The following MLLT3 variants were observed in gnomAD, a reference collection of about 807,000 sequenced individuals.
The protein encoded by MLLT3 is protein AF-9.
MLLT3 carries 4 observed loss-of-function variants against 53.2 expected under a neutral mutation model. That is an observed-to-expected ratio of 0.08 (90% CI 0.04 to 0.17). The LOEUF (loss-of-function observed/expected upper bound fraction) is 0.17, where lower values mean the gene tolerates loss of function less well. Among genes scored for constraint, MLLT3 ranks in the 10% least tolerant of loss-of-function variants. The pLI is 1.00. For synonymous variants in MLLT3, 283 were observed against 230.6 expected (o/e 1.23, Z -2.06); for missense variants, 569 against 684.0 (o/e 0.83, Z 1.87).
intron 2 of MLLT3, among the ~76,000 whole-genome samples, chr9:20,565,988 T>TATATATTTTTA (rs1563820690): frequency 2.9e-5 from 2 of 69,442 alleles, no homozygotes; most frequent in African/African-American, 1.1e-4. Context: ...ATATATTTAT[T>TATATATTTTTA]TATATATTTA....
intron 2 of MLLT3, among the ~76,000 whole-genome samples, chr9:20,615,764 G>A (rs1292879087): frequency 6.6e-6 from 1 of 151,218 alleles, no homozygotes; most frequent in African/African-American, 2.4e-5. Flanking sequence ...ATTCTCTCGT[G>A]AGTGTGTAGC....
At chr9:20,478,009 G>A (rs1824568061) in intron 2 of MLLT3, among the ~76,000 whole-genome samples, 1 of 152,196 alleles carries the variant, frequency 6.6e-6, no homozygotes, top group African/African-American at 2.4e-5. Flanking sequence ...AAAGTAAAAA[G>A]TACAATAATT....
intron 2 of MLLT3, among the ~76,000 whole-genome samples, chr9:20,513,398 C>T (rs549410931): frequency 1.4e-4 from 21 of 152,202 alleles, no homozygotes; most frequent in East Asian, 3.9e-4. Flanking sequence ...AAGCAACGTA[C>T]GACAAATTGG....
chr9:20,522,284 C>CA (rs11314967), intron 2 of MLLT3, among the ~76,000 whole-genome samples: 60 of 127,726 alleles, frequency 4.7e-4, no homozygotes, highest in South Asian at 1.0e-3. Context: ...TGAAAGTGAC[C>CA]AAAAAAAAAA....
intron 1 of MLLT3, chr9:20,622,030 TGA>T (rs1821031011): frequency 1.2e-6 from 1 of 804,038 alleles, no homozygotes; most frequent in Non-Finnish European, 1.4e-6. Context: ...TGAGCGTGTG[TGA>T]GTGTGTGTGT....
chr9:20,407,618 A>C (rs1822618438), intron 5 of MLLT3, among the ~76,000 whole-genome samples: 1 of 152,204 alleles, frequency 6.6e-6, no homozygotes, highest in Non-Finnish European at 1.5e-5. Context: ...AAGGAAGAAT[A>C]AGATTTGTTT....
At chr9:20,522,293 A>C (rs1291030262) in intron 2 of MLLT3, among the ~76,000 whole-genome samples, 2 of 151,994 alleles carry the variant, frequency 1.3e-5, no homozygotes, top group African/African-American at 4.8e-5. Context: ...CCAAAAAAAA[A>C]AAAAAAGAAT....
At chr9:20,380,167 T>C (rs1277133978) in intron 5 of MLLT3, 1 of 151,964 alleles carries the variant, frequency 6.6e-6, no homozygotes, top group Non-Finnish European at 1.5e-5. Flanking sequence ...TACTAATCAC[T>C]AAACAGATTT....
intron 4 of MLLT3, among the ~76,000 whole-genome samples, chr9:20,423,290 A>C (rs1187638225): frequency 1.3e-5 from 2 of 152,214 alleles, no homozygotes; most frequent in African/African-American, 4.8e-5. Flanking sequence ...CCTGGGCCAG[A>C]AATGAAAGAA....
intron 5 of MLLT3, among the ~76,000 whole-genome samples, chr9:20,385,453 T>C (rs1462733679): frequency 6.6e-6 from 1 of 152,192 alleles, no homozygotes; most frequent in African/African-American, 2.4e-5. Context: ...GTGCTTTTTA[T>C]TTTCTTCTTT....
At chr9:20,495,271 G>A (rs973726723) in intron 2 of MLLT3, among the ~76,000 whole-genome samples, 4 of 152,164 alleles carry the variant, frequency 2.6e-5, no homozygotes, top group Non-Finnish European at 5.9e-5. Context: ...AGTGACATCA[G>A]TATCCCCTGG....
rs536836199 is a variant in MLLT3 at position 20,559,610 on chromosome 9, T to G, written c.193+61044A>C. ...AGAGGCATGGTGACCAATTTTACTATGGCAGAGCCTTTGGCCAAATCACTT... is the reference window on the plus strand; with the variant it reads ...AGAGGCATGGTGACCAATTTTACTAGGGCAGAGCCTTTGGCCAAATCACTT... On this transcript the variant is annotated intron_variant, in intron 2 of 10. Transcript: ENST00000380338. Among the ~76,000 whole-genome samples, 13 of 152,344 alleles carry G rather than the reference T, an allele frequency of 8.5e-5. 1 individual carries two copies. The South Asian group carries it at 2.5e-3, about 29-fold the overall frequency.
intron 2 of MLLT3, among the ~76,000 whole-genome samples, chr9:20,489,084 G>C (rs928330979): frequency 2.0e-5 from 3 of 152,116 alleles, no homozygotes; most frequent in Non-Finnish European, 4.4e-5. Context: ...TATGAACAAA[G>C]AGAAGTAACA....
chr9:20,610,761 A>ACACAC (rs1212443201), intron 2 of MLLT3, among the ~76,000 whole-genome samples: 3 of 152,174 alleles, frequency 2.0e-5, no homozygotes, highest in Non-Finnish European at 4.4e-5. Flanking sequence ...AAAGCATGTA[A>ACACAC]CACATAACAC....
At position 20,345,207 on chromosome 9, in the gene MLLT3, T is replaced by TAGCA; in HGVS notation, c.*1232_*1235dup. The TAGCA allele has an allele frequency of 4.4e-6, 1 of 225,160 alleles. No individual in the cohort carries two copies. The highest frequency in any genetic ancestry group is 8.8e-6 in the Non-Finnish European group (1 of 112,998). 13.9% of individuals were successfully genotyped at this position (225,160 alleles called of 1,614,324 possible). On this transcript the variant is annotated 3_prime_UTR_variant, in exon 11 of 11. Coordinates refer to ENST00000380338, the MANE Select transcript of MLLT3 (RefSeq NM_004529.4). ...ATACAAGAAATCCTTCTGGAAATAT[T>TAGCA]AGCAAGCAACTAAACAGGTATTGAA... is the stretch of plus-strand genomic sequence containing the variant.
chr9:20,389,446 T>G (rs780274995), intron 5 of MLLT3, among the ~76,000 whole-genome samples: 2 of 152,110 alleles, frequency 1.3e-5, no homozygotes, highest in African/African-American at 2.4e-5. Flanking sequence ...CCAGTATGTA[T>G]TGTGGGGATA....
intron 2 of MLLT3, among the ~76,000 whole-genome samples, chr9:20,470,833 T>C (rs1824371921): frequency 6.6e-6 from 1 of 152,006 alleles, no homozygotes; most frequent in African/African-American, 2.4e-5. Context: ...AATACATGCA[T>C]TTGCTCTCAC....
At chr9:20,430,885 T>C (rs1245978595) in intron 4 of MLLT3, among the ~76,000 whole-genome samples, 2 of 151,982 alleles carry the variant, frequency 1.3e-5, no homozygotes, top group East Asian at 1.9e-4. Context: ...AGACCTCTAA[T>C]AAGTAAATAG....
At chr9:20,437,518 T>C (rs575948484) in intron 4 of MLLT3, among the ~76,000 whole-genome samples, 3 of 152,114 alleles carry the variant, frequency 2.0e-5, no homozygotes, top group African/African-American at 7.2e-5. Flanking sequence ...AACCTGACCC[T>C]GGGAGAGGGT....
Sources: gnomAD v4.1 joint callset for allele counts (sites outside exome capture counted in the v4.1 genomes callset) on GRCh38, gnomAD v4.1.1 for gene constraint, MANE v1.5 for transcripts, NCBI Gene and HGNC (gene_info 2026-07-23, HGNC 2026-07-21) for gene names.